CACNA1C: variants seen among roughly 807,000 people sequenced by gnomAD.
CACNA1C encodes the protein voltage-dependent L-type calcium channel subunit alpha-1C.
Under a neutral mutation model 229.0 loss-of-function variants are expected in CACNA1C, and 30 were observed. The ratio of observed to expected loss-of-function variants is 0.13; its 90% CI spans 0.10 to 0.18. The LOEUF (loss-of-function observed/expected upper bound fraction) is 0.18. CACNA1C is among the 10% of genes least tolerant of loss of function. CACNA1C has a pLI of 1.00. For synonymous variants in CACNA1C, 1,114 were observed against 1,132.5 expected, an observed-to-expected ratio of 0.98 and a Z score of 0.33; for missense variants, 1,658 against 2,845.0, an observed-to-expected ratio of 0.58 and a Z score of 9.49.
chr12:2,390,725 C>A (rs566281716), intron 3 of CACNA1C, among the ~76,000 whole-genome samples: 1 of 151,956 alleles, frequency 6.6e-6, no homozygotes, highest in Non-Finnish European at 1.5e-5. Flanking sequence ...GAGTGTGGAA[C>A]GAAGGCACGG....
At chr12:2,381,025 G>A (rs2098230075) in intron 3 of CACNA1C, among the ~76,000 whole-genome samples, 1 of 152,212 alleles carries the variant, frequency 6.6e-6, no homozygotes, top group Non-Finnish European at 1.5e-5. Context: ...CAGGGATGTG[G>A]CCCTTTGCAA....
At position 2,512,806 on chromosome 12, in the gene CACNA1C, C is replaced by T. The variant is rs727503833; in HGVS notation, c.1218-6C>T. The T allele has an allele frequency of 8.7e-6, 14 of 1,607,776 alleles. No individual in the cohort carries two copies. The highest frequency in any genetic ancestry group is 1.2e-5 in the Non-Finnish European group (14 of 1,176,980). On this transcript the variant is annotated splice_polypyrimidine_tract_variant and splice_region_variant and intron_variant, in intron 8 of 46. Coordinates refer to ENST00000399655, the MANE Select transcript of CACNA1C (RefSeq NM_000719.7). The surrounding 1 kb of genome is among the most constrained non-coding windows in gnomAD (Gnocchi z 4.3). ...CCTGCCCTGCCCCTCCTCTCACTCTCACCAGAGAGTTTTCCAAAGAGAGGG... is the reference window on the plus strand; with the variant it reads ...CCTGCCCTGCCCCTCCTCTCACTCTTACCAGAGAGTTTTCCAAAGAGAGGG...
At position 2,152,125 on chromosome 12, in the gene CACNA1C, G is replaced by C. The variant is rs2095309785; in HGVS notation, c.477+31695G>C. Among the ~76,000 whole-genome samples the C allele has an allele frequency of 6.6e-6, 1 of 152,204 alleles. No individual in the cohort carries two copies. Among genetic ancestry groups the C allele is most frequent in the South Asian group, 2.1e-4 (1 of 4,836 alleles). The stretch of plus-strand genomic sequence containing the variant: ...CGATGGTGCCCTTCCCTAGATAGCT[G>C]CGTTGCAATGGACCACATTATGGCA... On this transcript the variant is annotated intron_variant, in intron 3 of 46. Coordinates refer to ENST00000399655, the MANE Select transcript of CACNA1C (RefSeq NM_000719.7). The surrounding 1 kb of genome is among the most constrained non-coding windows in gnomAD (Gnocchi z 4.2).
intron 3 of CACNA1C, among the ~76,000 whole-genome samples, chr12:2,371,220 G>C (rs2097856067): frequency 6.6e-6 from 1 of 152,148 alleles, no homozygotes; most frequent in African/African-American, 2.4e-5. Context: ...GGTGTAGTCA[G>C]GTGTTCATCT....
intron 11 of CACNA1C, among the ~76,000 whole-genome samples, chr12:2,560,911 C>G (rs963262988): frequency 2.0e-5 from 3 of 149,652 alleles, no homozygotes; most frequent in Admixed American, 6.6e-5. Context: ...GCCTGCAGGG[C>G]CCATCATTTT....
intron 3 of CACNA1C, among the ~76,000 whole-genome samples, chr12:2,329,944 A>G (rs1034709738): frequency 1.3e-5 from 2 of 152,190 alleles, no homozygotes; most frequent in Non-Finnish European, 2.9e-5. Flanking sequence ...TGAGCCCCAG[A>G]TGGAATAACG....
At chr12:2,155,369 TTTA>T (rs2095504998) in intron 3 of CACNA1C, among the ~76,000 whole-genome samples, 1 of 152,034 alleles carries the variant, frequency 6.6e-6, no homozygotes, top group Admixed American at 6.6e-5. Context: ...GACACACAAT[TTTA>T]CTTTGCTTGG....
At chr12:1,989,240 C>G (rs1390596382) in intron 1 of CACNA1C, among the ~76,000 whole-genome samples, 3 of 152,126 alleles carry the variant, frequency 2.0e-5, no homozygotes, top group Admixed American at 6.5e-5. Context: ...TTTAAATTAT[C>G]TGGATATGGC....
At chr12:2,508,046 C>T (rs953149056) in intron 8 of CACNA1C, among the ~76,000 whole-genome samples, 2 of 152,210 alleles carry the variant, frequency 1.3e-5, no homozygotes, top group East Asian at 1.9e-4. Flanking sequence ...CGAAGGCAAC[C>T]GCCCAGAGGC....
chr12:2,517,369 ACAGT>A (rs1296908544), intron 9 of CACNA1C, among the ~76,000 whole-genome samples: 2 of 152,208 alleles, frequency 1.3e-5, no homozygotes, highest in Non-Finnish European at 2.9e-5. Context: ...TGGCCTCAAG[ACAGT>A]CAGTGTCTAA....
chr12:2,006,191 C>CCT (rs1340914709), intron 1 of CACNA1C, among the ~76,000 whole-genome samples: 2 of 152,122 alleles, frequency 1.3e-5, no homozygotes, highest in Non-Finnish European at 2.9e-5. Flanking sequence ...GGGCGGATCA[C>CCT]AAGGTCAGTA....
intron 3 of CACNA1C, among the ~76,000 whole-genome samples, chr12:2,257,013 A>G (rs1290911315): frequency 6.6e-6 from 1 of 152,224 alleles, no homozygotes; most frequent in Non-Finnish European, 1.5e-5. Context: ...AACAGAATGT[A>G]AACCCAATCA....
At chr12:2,075,311 G>A (rs1204541621) in intron 1 of CACNA1C, among the ~76,000 whole-genome samples, 2 of 152,176 alleles carry the variant, frequency 1.3e-5, no homozygotes, top group Non-Finnish European at 2.9e-5. Context: ...CTCCTGGTGG[G>A]CACTAATCTA....
At chr12:2,606,790 C>T (rs1363945014) in intron 25 of CACNA1C, 127 bp downstream of exon 25, 2 of 945,726 alleles carry the variant, frequency 2.1e-6, no homozygotes, top group Admixed American at 2.2e-5. Flanking sequence ...GCCTGTGTGT[C>T]ATCTGGCCTC....
chr12:2,434,463 G>A (rs1189674255), intron 3 of CACNA1C, among the ~76,000 whole-genome samples: 1 of 152,202 alleles, frequency 6.6e-6, no homozygotes, highest in Non-Finnish European at 1.5e-5. Flanking sequence ...ACACAGGAAG[G>A]TTAAACCATC....
chr12:2,351,538 C>T (rs1371301543), intron 3 of CACNA1C, among the ~76,000 whole-genome samples: 3 of 152,210 alleles, frequency 2.0e-5, no homozygotes, highest in East Asian at 1.9e-4. Context: ...ACCCTTCTGT[C>T]CTTCCTCTCC....
intron 3 of CACNA1C, among the ~76,000 whole-genome samples, chr12:2,413,084 C>T (rs1319625230): frequency 6.6e-6 from 1 of 152,208 alleles, no homozygotes; most frequent in Non-Finnish European, 1.5e-5. Context: ...GTGGCGTGAT[C>T]TCGGCTCACT....
intron 5 of CACNA1C, among the ~76,000 whole-genome samples, chr12:2,459,217 A>C (rs1397712365): frequency 7.5e-6 from 1 of 134,124 alleles, no homozygotes; most frequent in African/African-American, 2.8e-5. Flanking sequence ...GTGTTTCACC[A>C]TGTTAGCTAG....
Position 2,493,106 on chromosome 12 carries a change from T to C in CACNA1C, c.917-84T>C, listed in dbSNP as rs1036290325. 7.5e-6 allele frequency: 9 copies of C among 1,199,444 alleles called. No homozygotes were observed. The highest frequency in any genetic ancestry group is 1.9e-5 in the Admixed American group (1 of 51,830). The allele number at this position is 1,199,444 out of a possible 1,614,324, so 74.3% of individuals were successfully genotyped here. A position where few individuals can be genotyped will look rare whatever the true frequency, so the allele number is the denominator to read the frequency against. On this transcript the variant is annotated intron_variant, in intron 6 of 46. Transcript: ENST00000399655. The surrounding 1 kb of genome is among the most constrained non-coding windows in gnomAD (Gnocchi z 4.6). Reference sequence around the variant, plus strand: ...TGCCCATCCCATCAACCTCATCCTGTCACTTTTCTCTCTGACTTCTTTCTC... The same window carrying C: ...TGCCCATCCCATCAACCTCATCCTGCCACTTTTCTCTCTGACTTCTTTCTC...
Sources: allele counts gnomAD v4.1 joint callset (sites outside exome capture counted in the v4.1 genomes callset), GRCh38; gene constraint gnomAD v4.1.1; non-coding constraint Gnocchi (gnomAD v3.1); transcripts MANE v1.5; gene names NCBI Gene and HGNC (gene_info 2026-07-23, HGNC 2026-07-21).